The following LRRC49 variants were observed in gnomAD, a reference collection of about 807,000 sequenced individuals.
LRRC49 encodes leucine-rich repeat-containing protein 49.
A neutral mutation model predicts 83.3 loss-of-function variants in LRRC49; 50 were observed. The observed-to-expected ratio is 0.60, with a 90% CI of 0.48 to 0.76. LRRC49 has a LOEUF of 0.76. Ranked by LOEUF, LRRC49 falls within the 30% of genes least tolerant of loss-of-function variation. The pLI, the probability that LRRC49 is intolerant of heterozygous loss-of-function variation, is 0.00. For synonymous variants in LRRC49, 286 were observed against 283.3 expected, an observed-to-expected ratio of 1.01 and a Z score of -0.10; for missense variants, 704 against 809.1, an observed-to-expected ratio of 0.87 and a Z score of 1.58.
chr15:70,854,513 C>A (rs1274986340), intron 1 of LRRC49, among the ~76,000 whole-genome samples: 1 of 152,248 alleles, frequency 6.6e-6, no homozygotes, highest in Non-Finnish European at 1.5e-5. Flanking sequence ...GTGCTTGACT[C>A]CGGGGGTGGC....
chr15:71,016,207 T>C (rs956420371), intron 14 of LRRC49, among the ~76,000 whole-genome samples: 2 of 152,212 alleles, frequency 1.3e-5, no homozygotes, highest in African/African-American at 4.8e-5. Flanking sequence ...TGCTTTTTGT[T>C]CTATCTTGTT....
chr15:70,946,004 GAT>G (rs555190987), intron 8 of LRRC49, among the ~76,000 whole-genome samples: 6 of 151,278 alleles, frequency 4.0e-5, no homozygotes, highest in East Asian at 1.9e-4. Context: ...ATAATGTTTT[GAT>G]ATATATATAT....
intron 1 of LRRC49, among the ~76,000 whole-genome samples, chr15:70,854,889 TA>T (rs1481400950): frequency 6.6e-6 from 1 of 152,192 alleles, no homozygotes; most frequent in Non-Finnish European, 1.5e-5. Context: ...CTGCACATAG[TA>T]TGCACTCAGA....
chr15:71,029,315 G>A lies in LRRC49; in HGVS notation c.1704-7864G>A, dbSNP rs530176228. ...ATTTCCATGTAGTCCCATGCAGATT[G>A]TTCAATTTCCATGTAGTTTGGAGTG... On this transcript the variant is annotated intron_variant, in intron 14 of 15. Coordinates refer to ENST00000260382, the MANE Select transcript of LRRC49 (RefSeq NM_017691.5). Among the ~76,000 whole-genome samples the A allele has an allele frequency of 1.3e-4, 20 of 152,250 alleles. No individual in the cohort carries two copies. The South Asian group carries it at 4.1e-3, about 32-fold the overall frequency.
chr15:70,981,469 A>G (rs2037395466), intron 10 of LRRC49, among the ~76,000 whole-genome samples: 1 of 151,988 alleles, frequency 6.6e-6, no homozygotes, highest in East Asian at 1.9e-4. Flanking sequence ...CGTTCTGCAT[A>G]TGTATCCTAG....
intron 1 of LRRC49, among the ~76,000 whole-genome samples, chr15:70,858,339 C>T (rs747347632): frequency 1.2e-4 from 18 of 152,152 alleles, no homozygotes; most frequent in African/African-American, 3.9e-4. Context: ...CAGTGGCTCA[C>T]GCCTGTAATC....
intron 11 of LRRC49, among the ~76,000 whole-genome samples, chr15:71,003,590 G>C (rs2038342083): frequency 6.6e-6 from 1 of 151,958 alleles, no homozygotes; most frequent in South Asian, 2.1e-4. Context: ...ATTTATTCTT[G>C]AATGTCTGAT....
At chr15:71,031,936 G>A (rs1242980135) in intron 14 of LRRC49, among the ~76,000 whole-genome samples, 1 of 152,198 alleles carries the variant, frequency 6.6e-6, no homozygotes, top group African/African-American at 2.4e-5. Context: ...GGACTCTGTG[G>A]GAGTGGGACC....
At chr15:70,991,022 C>T (rs924971081) in intron 11 of LRRC49, among the ~76,000 whole-genome samples, 4 of 152,220 alleles carry the variant, frequency 2.6e-5, no homozygotes, top group Non-Finnish European at 4.4e-5. Flanking sequence ...ATTGACTTGA[C>T]TCCTGCTGTG....
intron 9 of LRRC49, among the ~76,000 whole-genome samples, chr15:70,979,123 TTA>T (rs1475968065): frequency 6.6e-6 from 1 of 152,182 alleles, no homozygotes; most frequent in East Asian, 1.9e-4. Context: ...TGGTTATAAT[TTA>T]TTAAAATCTG....
At chr15:71,038,930 C>A (rs1346026857) in intron 15 of LRRC49, among the ~76,000 whole-genome samples, 5 of 152,250 alleles carry the variant, frequency 3.3e-5, no homozygotes, top group Middle Eastern at 3.4e-3. Context: ...TATAAAAAGA[C>A]ACTGTCCTTG....
chr15:70,890,260 A>G (rs2033518263), upstream of LRRC49, among the ~76,000 whole-genome samples: 1 of 152,102 alleles, frequency 6.6e-6, no homozygotes, highest in Non-Finnish European at 1.5e-5. Flanking sequence ...ACACATATAT[A>G]TGTATGTGGA....
chr15:70,930,139 G>C (rs1360409443), intron 7 of LRRC49, among the ~76,000 whole-genome samples: 2 of 152,072 alleles, frequency 1.3e-5, no homozygotes. Flanking sequence ...ACTATTTAAG[G>C]CAGCTAAAGC....
chr15:70,864,599 G>A (rs939297438), intron 1 of LRRC49, among the ~76,000 whole-genome samples: 10 of 152,118 alleles, frequency 6.6e-5, no homozygotes, highest in African/African-American at 2.2e-4. Context: ...TCCTTTAAAC[G>A]TGCAGTTTCA....
chr15:70,927,140 A>G (rs557078834), intron 7 of LRRC49, among the ~76,000 whole-genome samples: 161 of 152,274 alleles, frequency 1.1e-3, no homozygotes, highest in African/African-American at 3.7e-3. Flanking sequence ...TTATACCATT[A>G]TACTCCCAGC....
intron 14 of LRRC49, among the ~76,000 whole-genome samples, chr15:71,028,859 C>A (rs948782287): frequency 6.6e-6 from 1 of 151,978 alleles, no homozygotes; most frequent in Non-Finnish European, 1.5e-5. Flanking sequence ...GTCTGGCTAG[C>A]AGTCCGTCTA....
intron 1 of LRRC49, chr15:70,854,092 T>G (rs2032579239): frequency 1.6e-6 from 2 of 1,289,328 alleles, no homozygotes; most frequent in Admixed American, 7.3e-5. Context: ...GGGCCATGGC[T>G]CGCGGGACTG....
chr15:70,982,513 A>C (rs1347666259), intron 10 of LRRC49, among the ~76,000 whole-genome samples: 1 of 152,218 alleles, frequency 6.6e-6, no homozygotes, highest in African/African-American at 2.4e-5. Context: ...CATACATAGA[A>C]TGTCAGAAAG....
Position 70,969,689 on chromosome 15 carries a change from T to A in LRRC49, c.921+5757T>A, listed in dbSNP as rs374653901. ...TGGTTTTTAGTTCTCCTTGAAGAGG[T>A]CCTTCACATCCCTTGTAAGTTGTAT... On this transcript the variant is annotated intron_variant, in intron 9 of 15. Transcript: ENST00000260382. Among the ~76,000 whole-genome samples, 20 of 152,276 alleles carry A rather than the reference T, an allele frequency of 1.3e-4. 1 individual carries two copies. Among genetic ancestry groups the A allele is most frequent in the African/African-American group, 4.8e-4 (20 of 41,556 alleles).
Sources: allele counts gnomAD v4.1 joint callset (sites outside exome capture counted in the v4.1 genomes callset), GRCh38; gene constraint gnomAD v4.1.1; transcripts MANE v1.5; gene names NCBI Gene and HGNC (gene_info 2026-07-23, HGNC 2026-07-21).